The following LAMA3 variants were observed in gnomAD, a reference collection of about 807,000 sequenced individuals.
The protein encoded by LAMA3 is laminin subunit alpha-3.
Under a neutral mutation model 402.0 loss-of-function variants are expected in LAMA3, and 281 were observed. That is an observed-to-expected ratio of 0.70 (90% CI 0.63 to 0.77). The LOEUF is 0.77. LAMA3 is among the 30% of genes least tolerant of loss of function. The probability of loss-of-function intolerance (pLI) is 0.00; values close to 1 mark genes in which losing one functional copy is unlikely to be tolerated. For synonymous variants in LAMA3, 1,431 were observed against 1,558.4 expected, an observed-to-expected ratio of 0.92 and a Z score of 1.93; for missense variants, 3,840 against 4,215.5, an observed-to-expected ratio of 0.91 and a Z score of 2.47.
At chr18:23,793,793 A>G (rs1354854674) in intron 12 of LAMA3, among the ~76,000 whole-genome samples, 2 of 152,164 alleles carry the variant, frequency 1.3e-5, no homozygotes, top group Non-Finnish European at 2.9e-5. Context: ...ACAGTGCCAG[A>G]TCCCACAGGT....
At chr18:23,828,827 A>G (rs1419706240) in intron 23 of LAMA3, among the ~76,000 whole-genome samples, 2 of 152,304 alleles carry the variant, frequency 1.3e-5, no homozygotes, top group East Asian at 3.9e-4. Flanking sequence ...TATACTTTTA[A>G]AACTTTTCAA....
rs760179701 is a variant in LAMA3, at chr18:23,813,078, C to T, written c.1763C>T (p.Pro588Leu). The change falls in exon 14 of 75, where the codon CCA (proline) becomes CTA (leucine). Residue 588 changes from proline to leucine, a missense_variant. Around this residue, in one of 3 missense-constraint regions of LAMA3, gnomAD observed 2,109 missense variants for 2,376.0 expected, o/e 0.89. Transcript: ENST00000313654. ...TCAGGTTCCAGCAGTGCTTGTGACC[C>T]AGCTGGTACCATCAACTCCAATTTG... ...HCQGSSSACD[P>L]AGTINSNLGY... 26 of 1,609,588 alleles carry T rather than the reference C, an allele frequency of 1.6e-5. No individual in the cohort carries two copies. In the Middle Eastern group the frequency reaches 4.9e-4, roughly 31 times the overall value.
chr18:23,823,448 G>A (rs1051836339), intron 20 of LAMA3, among the ~76,000 whole-genome samples: 7 of 152,116 alleles, frequency 4.6e-5, no homozygotes, highest in Non-Finnish European at 7.4e-5. Context: ...CTTGTCCTCC[G>A]GGACACCTTT....
chr18:23,691,530 T>G (rs1164077525), intron 1 of LAMA3, among the ~76,000 whole-genome samples: 5 of 152,332 alleles, frequency 3.3e-5, no homozygotes, highest in African/African-American at 4.8e-5. Context: ...TGTATAATTA[T>G]TTTTGAGAAA....
In LAMA3 at chr18:23,881,557, C is replaced by T. The variant is rs146442096; in HGVS notation, c.5113-379C>T. 2.4e-4 allele frequency among the ~76,000 whole-genome samples: 36 copies of T among 152,304 alleles called. No individual in the cohort carries two copies. In the East Asian group the frequency reaches 4.6e-3, roughly 20 times the overall value. On this transcript the variant is annotated intron_variant, in intron 39 of 74. Transcript: ENST00000313654. ...TAGAAAGTGGGCATTATCCTAACTA[C>T]ATTTTGAGAAAATTATAATTGTATG...
chr18:23,803,750 A>G (rs137916158), intron 12 of LAMA3, among the ~76,000 whole-genome samples: 13 of 152,336 alleles, frequency 8.5e-5, no homozygotes, highest in Non-Finnish European at 1.9e-4. Context: ...AGGATGTCCC[A>G]GAAAGGCACA....
intron 18 of LAMA3, 134 bp downstream of exon 18, chr18:23,816,621 A>G (rs1014102862): frequency 1.9e-5 from 14 of 740,874 alleles, no homozygotes; most frequent in African/African-American, 1.6e-4. Context: ...TCCTATGTCA[A>G]TTGAAATCTG....
At chr18:23,882,745 A>G (rs1321127940) in intron 40 of LAMA3, among the ~76,000 whole-genome samples, 1 of 152,188 alleles carries the variant, frequency 6.6e-6, no homozygotes, top group Non-Finnish European at 1.5e-5. Flanking sequence ...TGACAGGGCC[A>G]GGCCTCAGCC....
At chr18:23,869,022 A>T (rs1431537250) in intron 37 of LAMA3, among the ~76,000 whole-genome samples, 4 of 152,214 alleles carry the variant, frequency 2.6e-5, no homozygotes, top group African/African-American at 4.8e-5. Context: ...TTGCTATAAG[A>T]CACAAAAAAA....
rs374429928 is a variant in LAMA3, at chr18:23,939,593, G to A, written c.9026+207G>A. On this transcript the variant is annotated intron_variant, in intron 68 of 74. Coordinates refer to ENST00000313654, the MANE Select transcript of LAMA3 (RefSeq NM_198129.4). ...CCCAACAGCTGGAGGCAAACGTGAC[G>A]ACAGTGTACTTCTCAGAGGCTGAAA... Among the ~76,000 whole-genome samples, 123 of 152,322 alleles carry A rather than the reference G, an allele frequency of 8.1e-4. 3 individuals carry two copies. The South Asian group carries it at 0.023, about 29-fold the overall frequency.
chr18:23,829,159 T>C (rs1362418117), intron 23 of LAMA3, among the ~76,000 whole-genome samples: 2 of 152,190 alleles, frequency 1.3e-5, no homozygotes, highest in Admixed American at 6.5e-5. Context: ...CAGCAAATGA[T>C]TATTGGTTAG....
At chr18:23,830,721 A>C (rs1449143721) in intron 23 of LAMA3, among the ~76,000 whole-genome samples, 1 of 152,134 alleles carries the variant, frequency 6.6e-6, no homozygotes, top group East Asian at 1.9e-4. Flanking sequence ...CTAGCCATTA[A>C]GTGTTAGAAT....
intron 64 of LAMA3, among the ~76,000 whole-genome samples, chr18:23,930,844 T>C (rs1449757692): frequency 1.3e-5 from 2 of 152,202 alleles, no homozygotes; most frequent in Non-Finnish European, 2.9e-5. Flanking sequence ...TTTTGACAAA[T>C]TCATTGGTGT....
Position 23,944,102 on chromosome 18 carries a change from G to A in LAMA3, c.9210+131G>A, listed in dbSNP as rs1056130242. ...TGGGAGAGCTTGTGTGCTTGCAGGC[G>A]CTGCGTTCCCAGCATCTCAGTACTG... On this transcript the variant is annotated intron_variant, in intron 69 of 74. Transcript: ENST00000313654. 2.2e-4 allele frequency: 193 copies of A among 870,942 alleles called. 1 individual carries two copies. The highest frequency in any genetic ancestry group is 1.5e-4 in the Non-Finnish European group (81 of 539,298). The allele number at this position is 870,942 out of a possible 1,614,324, so 54.0% of individuals were successfully genotyped here.
At chr18:23,854,835 A>G (rs2064032409) in intron 32 of LAMA3, among the ~76,000 whole-genome samples, 1 of 150,074 alleles carries the variant, frequency 6.7e-6, no homozygotes, top group Non-Finnish European at 1.5e-5. Context: ...AATACAAAAA[A>G]TTAGCTGGGC....
rs532725376 is a variant in LAMA3 at position 23,690,444 on chromosome 18, A to T, written c.294+467A>T. ...AGAATTTTTAGGTTATAACAGCGGT[A>T]TCACTCTAATGTTACTGAAAAGATT... On this transcript the variant is annotated intron_variant, in intron 1 of 74. Transcript: ENST00000313654. Among the ~76,000 whole-genome samples the T allele has an allele frequency of 9.2e-5, 14 of 152,346 alleles. No homozygotes were observed. The East Asian group carries it at 2.1e-3, about 23-fold the overall frequency.
At chr18:23,701,370 G>C (rs1018531958) in intron 1 of LAMA3, among the ~76,000 whole-genome samples, 12 of 152,170 alleles carry the variant, frequency 7.9e-5, no homozygotes, top group African/African-American at 2.7e-4. Context: ...AATAGGTTCT[G>C]GGGAGGCCCT....
intron 15 of LAMA3, 48 bp from the exon 16 acceptor site, chr18:23,815,140 T>C: frequency 6.5e-7 from 1 of 1,550,134 alleles, no homozygotes; most frequent in Non-Finnish European, 8.9e-7. Flanking sequence ...AGCCAGGAAC[T>C]GTCTTTTGTG....
chr18:23,822,375 G>C lies in LAMA3; in HGVS notation c.2428G>C (p.Gly810Arg). The change falls in exon 20 of 75, where the codon GGT becomes CGT. Residue 810 changes from glycine (G) to arginine (R), a missense_variant and splice_region_variant. This residue lies in a region of LAMA3 where 2,109 missense variants were observed against 2,376.0 expected (regional missense o/e 0.89). Coordinates refer to ENST00000313654, the MANE Select transcript of LAMA3 (RefSeq NM_198129.4). Reference sequence around the variant, plus strand: ...CCATATAACTATTTATCCATCCTGGGGTAAGGCACGTAGGTAAAATGTCAA... The same window carrying C: ...CCATATAACTATTTATCCATCCTGGCGTAAGGCACGTAGGTAAAATGTCAA... ...SGHITIYPSWGAAQSKEIIFL... is the reference protein window; with the variant it reads ...SGHITIYPSWRAAQSKEIIFL... The C allele has an allele frequency of 6.2e-7, 1 of 1,613,406 alleles. No homozygotes were observed. The highest frequency in any genetic ancestry group is 8.5e-7 in the Non-Finnish European group (1 of 1,179,490).
Sources: gnomAD v4.1 joint callset for allele counts (sites outside exome capture counted in the v4.1 genomes callset) on GRCh38, gnomAD v4.1.1 for gene constraint, gnomAD v4.1.1 regional missense constraint, MANE v1.5 for transcripts, NCBI Gene and HGNC (gene_info 2026-07-23, HGNC 2026-07-21) for gene names.